The following ZFYVE19 variants were observed in gnomAD, a reference collection of about 807,000 sequenced individuals.
ZFYVE19 encodes the protein zinc finger FYVE-type containing 19, also known as abscission/NoCut checkpoint regulator.
ZFYVE19 carries 49 observed loss-of-function variants against 62.8 expected under a neutral mutation model. That is an observed-to-expected ratio of 0.78 (90% CI 0.62 to 0.99). The LOEUF (loss-of-function observed/expected upper bound fraction) is 0.99. ZFYVE19 is among the 50% of genes least tolerant of loss of function. The probability of loss-of-function intolerance (pLI) is 0.00; values close to 1 mark genes in which losing one functional copy is unlikely to be tolerated. For synonymous variants in ZFYVE19, 242 were observed against 234.3 expected (o/e 1.03, Z -0.30); for missense variants, 630 against 601.9 (o/e 1.05, Z -0.49).
intron 6 of ZFYVE19, chr15:40,811,131 T>C: frequency 3.8e-6 from 1 of 265,560 alleles, no homozygotes; most frequent in South Asian, 4.3e-5. Context: ...ACCTGACTCA[T>C]AGTGAGTACT....
chr15:40,812,319 G>A (rs530483782), intron 6 of ZFYVE19, among the ~76,000 whole-genome samples: 4 of 152,182 alleles, frequency 2.6e-5, no homozygotes, highest in East Asian at 3.9e-4. Context: ...AGGCTGAGGC[G>A]GGTGGATCAC....
intron 8 of ZFYVE19, 115 bp downstream of exon 8, chr15:40,813,532 C>A (rs1220505352): frequency 3.1e-5 from 39 of 1,267,610 alleles, no homozygotes; most frequent in Non-Finnish European, 4.1e-5. Flanking sequence ...TTTGGGCCCC[C>A]TCCTGTGACC....
At chr15:40,813,896 A>C in intron 9 of ZFYVE19, 47 bp from the exon 10 acceptor site, 1 of 1,591,786 alleles carries the variant, frequency 6.3e-7, no homozygotes, top group Non-Finnish European at 8.6e-7. Flanking sequence ...CAGCTCACAT[A>C]CCCCACTGGG....
Position 40,814,846 on chromosome 15 carries a change from C to T in ZFYVE19, c.*620C>T, listed in dbSNP as rs533209737. 3 of 156,350 alleles carry T rather than the reference C, an allele frequency of 1.9e-5. No homozygotes were observed. Among genetic ancestry groups the T allele is most frequent in the East Asian group, 3.8e-4 (2 of 5,216 alleles). 9.7% of individuals were successfully genotyped at this position (156,350 alleles called of 1,614,324 possible). On this transcript the variant is annotated 3_prime_UTR_variant, in exon 11 of 11. Coordinates refer to ENST00000355341, the MANE Select transcript of ZFYVE19 (RefSeq NM_001077268.2). ...GCCTCTCTACTACTCACACAATGCACGCAGGAACAATGCACACACACCCTG... is the reference window on the plus strand; with the variant it reads ...GCCTCTCTACTACTCACACAATGCATGCAGGAACAATGCACACACACCCTG...
chr15:40,807,579 G>A lies in ZFYVE19; in HGVS notation c.-11G>A. 6.2e-7 allele frequency: 1 copy of A among 1,609,506 alleles called. No homozygotes were observed. The highest frequency in any genetic ancestry group is 2.2e-5 in the East Asian group (1 of 44,848). On this transcript the variant is annotated 5_prime_UTR_variant, in exon 1 of 11. Transcript: ENST00000355341. Reference sequence around the variant, plus strand: ...GGCTTGACTGACTCTGAGGGAGGCCGGCAGTCGTGAATGAACTACGACTCC... The same window carrying A: ...GGCTTGACTGACTCTGAGGGAGGCCAGCAGTCGTGAATGAACTACGACTCC...
rs762443882 is a variant in ZFYVE19 at position 40,807,546 on chromosome 15, C to T, written c.-44C>T. ...CGCCTAGCCCTCTGGGAATTGTGTT[C>T]TGGGTCAGGCTTGACTGACTCTGAG... On this transcript the variant is annotated 5_prime_UTR_variant, in exon 1 of 11. Coordinates refer to ENST00000355341, the MANE Select transcript of ZFYVE19 (RefSeq NM_001077268.2). 108 of 1,604,090 alleles carry T rather than the reference C, an allele frequency of 6.7e-5. No individual in the cohort carries two copies. Among genetic ancestry groups the T allele is most frequent in the Admixed American group, 2.0e-4 (12 of 59,198 alleles).
At chr15:40,810,263 C>T (rs1019727089) in intron 5 of ZFYVE19, 47 bp downstream of exon 5, 2 of 1,604,988 alleles carry the variant, frequency 1.2e-6, no homozygotes, top group East Asian at 2.2e-5. Context: ...AGCGGGAGGA[C>T]CCAGCAGAAG....
At chr15:40,810,532 G>A (rs1890451917) in intron 5 of ZFYVE19, 117 bp from the exon 6 acceptor site, 4 of 1,476,852 alleles carry the variant, frequency 2.7e-6, no homozygotes, top group Non-Finnish European at 3.6e-6. Context: ...ACTTGATTAT[G>A]TGGGCCCTGG....
intron 6 of ZFYVE19, among the ~76,000 whole-genome samples, chr15:40,811,798 C>T (rs900356413): frequency 6.6e-6 from 1 of 152,242 alleles, no homozygotes; most frequent in Non-Finnish European, 1.5e-5. Flanking sequence ...CAAGGTCACA[C>T]AGCTATTAAG....
At chr15:40,808,447 A>C (rs1374236414) in intron 1 of ZFYVE19, 2 of 1,565,678 alleles carry the variant, frequency 1.3e-6, no homozygotes, top group Non-Finnish European at 1.7e-6. Context: ...GGAGTAAATT[A>C]GTGTCACGCA....
At chr15:40,809,071 C>G in intron 1 of ZFYVE19, 48 bp from the exon 2 acceptor site, 13 of 1,605,792 alleles carry the variant, frequency 8.1e-6, no homozygotes, top group Non-Finnish European at 1.1e-5. Context: ...TGGGAGCAGC[C>G]TGCAGGGGCG....
chr15:40,810,221 G>A lies in ZFYVE19; in HGVS notation c.717+5G>A, dbSNP rs1566837520. On this transcript the variant is annotated splice_donor_5th_base_variant and intron_variant, in intron 5 of 10. Transcript: ENST00000355341. ...CCTTCTCAAACCCCCCAGCCGGTGA[G>A]TGTTATGGCTTAGGAGAGAAGCGGG... 2 of 1,614,162 alleles carry A rather than the reference G, an allele frequency of 1.2e-6. No individual in the cohort carries two copies. Among genetic ancestry groups the A allele is most frequent in the Non-Finnish European group, 1.7e-6 (2 of 1,180,014 alleles).
chr15:40,812,608 AAG>A (rs1890528832), intron 6 of ZFYVE19, 89 bp from the exon 7 acceptor site: 4 of 927,488 alleles, frequency 4.3e-6, no homozygotes, highest in Non-Finnish European at 3.2e-6. Context: ...ATTAAAGAAA[AAG>A]AAAAGAAAAG....
In ZFYVE19 at chr15:40,810,672, G is replaced by A. The variant is rs1362915010; in HGVS notation, c.741G>A (p.Arg247=). The change falls in exon 6 of 11, where the codon AGG becomes AGA. Residue 247 remains arginine, a synonymous_variant. Transcript: ENST00000355341. Reference sequence around the variant, plus strand: ...AGGCACATCACACACCGGACACCAGGACCCAAGCCCAGCAGACACAGGATC... The same window carrying A: ...AGGCACATCACACACCGGACACCAGAACCCAAGCCCAGCAGACACAGGATC... ...PQPAHHTPDT[R]TQAQQTQDLL... is the part of the protein sequence containing the mutation. 2 of 1,574,072 alleles carry A rather than the reference G, an allele frequency of 1.3e-6. No individual in the cohort carries two copies. Among genetic ancestry groups the A allele is most frequent in the Non-Finnish European group, 1.7e-6 (2 of 1,159,606 alleles).
chr15:40,808,545 C>G, intron 1 of ZFYVE19: 2 of 1,041,446 alleles, frequency 1.9e-6, no homozygotes, highest in Non-Finnish European at 1.3e-6. Flanking sequence ...AGGCGGTGAC[C>G]TTGGTTTGGA....
Position 40,807,518 on chromosome 15 carries a change from C to T in ZFYVE19, c.-72C>T. 1 of 1,606,184 alleles carries T rather than the reference C, an allele frequency of 6.2e-7. No homozygotes were observed. The highest frequency in any genetic ancestry group is 8.5e-7 in the Non-Finnish European group (1 of 1,174,726). ...GCGCGTGAGGACTGCAGGCTCCGAGCGGCGCCTAGCCCTCTGGGAATTGTG... is the reference window on the plus strand; with the variant it reads ...GCGCGTGAGGACTGCAGGCTCCGAGTGGCGCCTAGCCCTCTGGGAATTGTG... On this transcript the variant is annotated 5_prime_UTR_variant, in exon 1 of 11. Transcript: ENST00000355341.
intron 8 of ZFYVE19, 113 bp downstream of exon 8, chr15:40,813,530 C>G: frequency 1.6e-6 from 2 of 1,287,132 alleles, no homozygotes; most frequent in Non-Finnish European, 1.1e-6. Context: ...TCTTTGGGCC[C>G]CCTCCTGTGA....
chr15:40,809,027 A>C, intron 1 of ZFYVE19, 92 bp from the exon 2 acceptor site: 1 of 1,559,072 alleles, frequency 6.4e-7, no homozygotes, highest in Non-Finnish European at 8.7e-7. Context: ...TCATAACTTC[A>C]GTGACTTCTC....
At position 40,810,103 on chromosome 15, in the gene ZFYVE19, C is replaced by G. The variant is rs200940591; in HGVS notation, c.604C>G (p.Arg202Gly). ...LVPSQAEIEA[R>G]LAALKDERQG... is the part of the protein sequence containing the mutation. The stretch of plus-strand genomic sequence containing the variant: ...CCCCTCACAGGCAGAGATAGAGGCA[C>G]GGCTGGCTGCCCTAAAGGATGAACG... The change falls in exon 5 of 11, where the codon CGG (arginine) becomes GGG (glycine). Residue 202 changes from arginine (R) to glycine (G), a missense_variant. Arg to Gly is a moderately radical substitution (Grantham distance 125). Transcript: ENST00000355341. 2 of 1,614,046 alleles carry G rather than the reference C, an allele frequency of 1.2e-6. No homozygotes were observed. Among genetic ancestry groups the G allele is most frequent in the African/African-American group, 1.3e-5 (1 of 74,924 alleles).
Sources: allele counts gnomAD v4.1 joint callset (sites outside exome capture counted in the v4.1 genomes callset), GRCh38; gene constraint gnomAD v4.1.1; transcripts MANE v1.5; gene names NCBI Gene and HGNC (gene_info 2026-07-23, HGNC 2026-07-21).